The following TPO variants were observed in gnomAD, a reference collection of about 807,000 sequenced individuals.
The protein encoded by TPO is thyroid peroxidase, also known as thyroid microsomal antigen.
In TPO, 78 loss-of-function variants were observed where a neutral mutation model predicts 96.9. The observed-to-expected ratio is 0.81, with a 90% CI of 0.67 to 0.97. The LOEUF (loss-of-function observed/expected upper bound fraction) is 0.97. Ranked by LOEUF, TPO falls within the 50% of genes least tolerant of loss-of-function variation. The pLI is 0.00. For synonymous variants in TPO, 547 were observed against 538.0 expected (o/e 1.02, Z -0.23); for missense variants, 1,252 against 1,274.8 (o/e 0.98, Z 0.27).
At chr2:1,493,289 T>A (rs1378624379) in intron 10 of TPO, among the ~76,000 whole-genome samples, 3 of 151,026 alleles carry the variant, frequency 2.0e-5, no homozygotes, top group African/African-American at 7.3e-5. Flanking sequence ...CAGAGCTGTG[T>A]CAGTTGCCCT....
intron 3 of TPO, among the ~76,000 whole-genome samples, chr2:1,427,615 C>G (rs1358736642): frequency 5.3e-5 from 8 of 152,200 alleles, no homozygotes; most frequent in Non-Finnish European, 8.8e-5. Context: ...CAACTGTCTC[C>G]CTTTCTCCGC....
intron 8 of TPO, among the ~76,000 whole-genome samples, chr2:1,482,991 G>A (rs28910605): frequency 0.039 from 5,909 of 152,342 alleles, 163 homozygotes; most frequent in Middle Eastern, 0.12. Flanking sequence ...CAAGATTCAA[G>A]TTTTAAGGCC....
chr2:1,430,140 A>C (rs1397658252), intron 3 of TPO, among the ~76,000 whole-genome samples: 1 of 152,204 alleles, frequency 6.6e-6, no homozygotes, highest in Non-Finnish European at 1.5e-5. Context: ...GAGATCTAGG[A>C]GGAAAGAATG....
At position 1,540,672 on chromosome 2, in the gene TPO, C is replaced by G; in HGVS notation, c.2697C>G (p.His899Gln). ...CTCCCGAGCTGAGATGCGGAAAGCA[C>G]CAGGCCGTAGGGACCTCACCGCAGC... ...GGTPELRCGK[H>Q]QAVGTSPQRA... Residue 899 changes from histidine to glutamine, a missense_variant, in exon 16 of 17, where the codon CAC (histidine) becomes CAG (glutamine). Transcript: ENST00000329066. The G allele has an allele frequency of 1.2e-6, 2 of 1,613,458 alleles. No individual in the cohort carries two copies. The highest frequency in any genetic ancestry group is 1.7e-6 in the Non-Finnish European group (2 of 1,180,034).
At chr2:1,468,094 T>TG in intron 7 of TPO, among the ~76,000 whole-genome samples, 1 of 152,058 alleles carries the variant, frequency 6.6e-6, no homozygotes. Flanking sequence ...GTGTTAGGCA[T>TG]GTCTCTTGAA....
chr2:1,413,794 G>T (rs1014316436), intron 1 of TPO: 2 of 961,782 alleles, frequency 2.1e-6, no homozygotes, highest in Non-Finnish European at 1.2e-6. Context: ...GGACTCACTG[G>T]TGCTATCCTG....
intron 8 of TPO, chr2:1,478,318 A>C (rs1670183221): frequency 1.0e-6 from 1 of 985,254 alleles, no homozygotes; most frequent in Non-Finnish European, 1.2e-6. Flanking sequence ...GGGCTGTTTG[A>C]TATGCGAGTC....
At chr2:1,425,844 G>T (rs1015473844) in intron 3 of TPO, among the ~76,000 whole-genome samples, 3 of 151,750 alleles carry the variant, frequency 2.0e-5, no homozygotes, top group African/African-American at 7.3e-5. Context: ...TAGATGCCAG[G>T]ATACAGAGAT....
At chr2:1,530,929 C>G (rs1263588611) in intron 15 of TPO, among the ~76,000 whole-genome samples, 1 of 108,822 alleles carries the variant, frequency 9.2e-6, no homozygotes, top group Non-Finnish European at 1.8e-5. Context: ...TCTGTGCGAC[C>G]TCCCCAAATC....
intron 14 of TPO, among the ~76,000 whole-genome samples, chr2:1,506,349 TGC>T (rs771625852): frequency 0.28 from 41,554 of 147,592 alleles, 6,021 homozygotes; most frequent in Admixed American, 0.32. Flanking sequence ...AACATATGTG[TGC>T]ATGTGTCTTT....
intron 8 of TPO, among the ~76,000 whole-genome samples, chr2:1,479,548 G>A (rs1670336160): frequency 6.6e-6 from 1 of 152,164 alleles, no homozygotes; most frequent in Admixed American, 6.5e-5. Flanking sequence ...CGTTCACAGA[G>A]CGGGAAACGC....
chr2:1,493,251 T>C lies in TPO; in HGVS notation c.1769-551T>C, dbSNP rs187683509. 1.5e-3 allele frequency among the ~76,000 whole-genome samples: 226 copies of C among 147,742 alleles called. 2 individuals are homozygous for C. Among genetic ancestry groups the C allele is most frequent in the Non-Finnish European group, 5.2e-4 (35 of 67,296 alleles). ...GCTTCTGTGTGTGCTCCTGATGTCATTGTGGGAGGCAAACTCTGAAGAGGA... is the reference window on the plus strand; with the variant it reads ...GCTTCTGTGTGTGCTCCTGATGTCACTGTGGGAGGCAAACTCTGAAGAGGA... On this transcript the variant is annotated intron_variant, in intron 10 of 16. Transcript: ENST00000329066.
Position 1,413,646 on chromosome 2 carries a change from C to G in TPO, c.-2+101C>G. Reference sequence around the variant, plus strand: ...GTGGCTGTAATTTGGGCCATTATAGCAGGTATGGGTGGCGTCTCTCAGCAA... The same window carrying G: ...GTGGCTGTAATTTGGGCCATTATAGGAGGTATGGGTGGCGTCTCTCAGCAA... On this transcript the variant is annotated intron_variant, in intron 1 of 16. Transcript: ENST00000329066. 3 of 984,926 alleles carry G rather than the reference C, an allele frequency of 3.0e-6. No homozygotes were observed. The South Asian group carries it at 1.4e-4, about 46-fold the overall frequency. The allele number at this position is 984,926 out of a possible 1,614,324, so 61.0% of individuals were successfully genotyped here. A position where few individuals can be genotyped will look rare whatever the true frequency, so the allele number is the denominator to read the frequency against.
intron 15 of TPO, among the ~76,000 whole-genome samples, chr2:1,517,470 T>C (rs1272536969): frequency 1.3e-5 from 2 of 151,998 alleles, no homozygotes; most frequent in East Asian, 3.9e-4. Context: ...CCTGTGAGAG[T>C]GCTCTCTGCA....
chr2:1,475,786 G>T (rs1669867918), intron 7 of TPO, among the ~76,000 whole-genome samples: 1 of 152,218 alleles, frequency 6.6e-6, no homozygotes, highest in Non-Finnish European at 1.5e-5. Context: ...CTTTTTTAAC[G>T]TGGACCCTGT....
chr2:1,380,257 G>A (rs949978054), intron 1 of TPO, among the ~76,000 whole-genome samples: 23 of 152,038 alleles, frequency 1.5e-4, no homozygotes, highest in Admixed American at 1.1e-3. Context: ...AGCAGGGCGT[G>A]GTGGCGGGCG....
At chr2:1,404,596 G>A (rs940723587) in intron 1 of TPO, among the ~76,000 whole-genome samples, 1 of 152,194 alleles carries the variant, frequency 6.6e-6, no homozygotes, top group Non-Finnish European at 1.5e-5. Flanking sequence ...ACTGTGTGAA[G>A]ACGCAGGGGA....
At chr2:1,437,515 C>T (rs762236720) in intron 5 of TPO, among the ~76,000 whole-genome samples, 1 of 151,924 alleles carries the variant, frequency 6.6e-6, no homozygotes, top group Non-Finnish European at 1.5e-5. Context: ...TGTCCTGAGA[C>T]AGAGAGCAGG....
chr2:1,517,067 T>C, intron 15 of TPO, 85 bp downstream of exon 15: 1 of 1,412,830 alleles, frequency 7.1e-7, no homozygotes. Flanking sequence ...CTGCTTTATT[T>C]TCCCGAAGCT....
Sources: allele counts gnomAD v4.1 joint callset (sites outside exome capture counted in the v4.1 genomes callset), GRCh38; gene constraint gnomAD v4.1.1; transcripts MANE v1.5; gene names NCBI Gene and HGNC (gene_info 2026-07-23, HGNC 2026-07-21).